Variants in TUB observed in about 807,000 individuals in gnomAD.
The protein encoded by TUB is tubby protein homolog.
TUB carries 33 observed loss-of-function variants against 59.7 expected under a neutral mutation model. That is an observed-to-expected ratio of 0.55 (90% confidence interval 0.42 to 0.74). The LOEUF is 0.74. Among genes scored for constraint, TUB ranks in the 30% least tolerant of loss-of-function variants. TUB has a pLI of 0.00. For missense variants in TUB, 659 were observed against 672.0 expected, an observed-to-expected ratio of 0.98 and a Z score of 0.21; for synonymous variants, 293 against 256.4, an observed-to-expected ratio of 1.14 and a Z score of -1.36.
intron 6 of TUB, 51 bp from the exon 7 acceptor site, chr11:8,097,177 T>TG (rs1229607879): frequency 6.3e-7 from 1 of 1,598,502 alleles, no homozygotes. Context: ...ACCACCAATT[T>TG]GGGCTGCTTA....
Position 8,105,363 on chromosome 11 carries a change from CTGTAGGTT to C in TUB, c.*3750_*3757del, listed in dbSNP as rs1944510898. ...ACTCTATACTACCCTGGGCTCTGGT[CTGTAGGTT>C]TGTAGTAGCCACCGGTAATAAGCCA... is the stretch of plus-strand genomic sequence containing the variant. On this transcript the variant is annotated 3_prime_UTR_variant, in exon 12 of 12. Transcript: ENST00000299506. The C allele has an allele frequency of 6.6e-6, 1 of 152,150 alleles. No individual in the cohort carries two copies. The highest frequency in any genetic ancestry group is 1.5e-5 in the Non-Finnish European group (1 of 68,034). The allele number at this position is 152,150 out of a possible 1,614,324, so 9.4% of individuals were successfully genotyped here. A position where few individuals can be genotyped will look rare whatever the true frequency, so the allele number is the denominator to read the frequency against.
chr11:8,074,974 G>A (rs959834195), intron 2 of TUB, among the ~76,000 whole-genome samples: 1 of 151,782 alleles, frequency 6.6e-6, no homozygotes, highest in Non-Finnish European at 1.5e-5. Context: ...TGAACTCCTG[G>A]CCTCATGTGA....
rs76971150 is a variant in TUB at position 8,094,915 on chromosome 11, G to C, written c.398-583G>C. ...TAGGCGGGCAGGGTGGCTGCCACCT[G>C]TGTGGGTCAGGCCTTGCTTCTGTTG... On this transcript the variant is annotated intron_variant, in intron 4 of 11. Transcript: ENST00000299506. Among the ~76,000 whole-genome samples, 1,054 of 152,354 alleles carry C rather than the reference G, an allele frequency of 6.9e-3. 21 individuals are homozygous for C. The highest frequency in any genetic ancestry group is 0.024 in the African/African-American group (985 of 41,590).
At chr11:8,025,180 T>G (rs560675618) in intron 1 of TUB, among the ~76,000 whole-genome samples, 1 of 152,168 alleles carries the variant, frequency 6.6e-6, no homozygotes, top group Non-Finnish European at 1.5e-5. Context: ...CTAAGAGGCT[T>G]ATATAATATG....
Position 8,057,126 on chromosome 11 carries a change from G to A in TUB, c.203+17434G>A, listed in dbSNP as rs1943033061. On this transcript the variant is annotated intron_variant, in intron 2 of 12. Transcript: ENST00000305253. Reference sequence around the variant, plus strand: ...TGGCCCTCTGGGTAATGGCAGTAATGGAGGGTCCCATTCAGTTCTTTAGGG... The same window carrying A: ...TGGCCCTCTGGGTAATGGCAGTAATAGAGGGTCCCATTCAGTTCTTTAGGG... Among the ~76,000 whole-genome samples, 3 of 152,252 alleles carry A rather than the reference G, an allele frequency of 2.0e-5. 1 individual carries two copies. The South Asian group carries it at 6.2e-4, about 32-fold the overall frequency.
chr11:8,038,221 G>A (rs760857188), upstream of TUB, among the ~76,000 whole-genome samples: 1 of 152,202 alleles, frequency 6.6e-6, no homozygotes, highest in Non-Finnish European at 1.5e-5. Context: ...GAGCAGGTAG[G>A]TAGAGTTTAG....
At chr11:8,101,457 T>A in intron 11 of TUB, 29 bp from the exon 12 acceptor site, 2 of 1,565,760 alleles carry the variant, frequency 1.3e-6, no homozygotes, top group Non-Finnish European at 1.8e-6. Context: ...CCTGTCCTTT[T>A]CTCTGTCTGT....
chr11:8,094,810 C>T (rs1943911613), intron 4 of TUB, among the ~76,000 whole-genome samples: 1 of 152,236 alleles, frequency 6.6e-6, no homozygotes, highest in Middle Eastern at 3.2e-3. Context: ...GGTTTCCAGG[C>T]CACTGCGTCA....
At chr11:8,100,794 T>C (rs747052245) in intron 10 of TUB, 32 bp from the exon 11 acceptor site, 1 of 1,611,172 alleles carries the variant, frequency 6.2e-7, no homozygotes. Context: ...GCCAAAGGCC[T>C]GGGCCTGGCT....
intron 2 of TUB, among the ~76,000 whole-genome samples, chr11:8,069,537 A>C (rs1211081477): frequency 6.6e-6 from 1 of 151,922 alleles, no homozygotes; most frequent in Non-Finnish European, 1.5e-5. Context: ...GTTGTTGCAG[A>C]TGTGTATTTT....
At chr11:8,026,733 C>T (rs1240739467) in intron 1 of TUB, among the ~76,000 whole-genome samples, 1 of 152,218 alleles carries the variant, frequency 6.6e-6, no homozygotes, top group East Asian at 1.9e-4. Context: ...ATTCTAGGGC[C>T]TTTTCAATTT....
rs779206090 is a variant in TUB at position 8,095,632 on chromosome 11, G to C, written c.532G>C (p.Gly178Arg). Residue 178 changes from glycine (G) to arginine (R), a missense_variant, in exon 5 of 12, where the codon GGG (glycine) becomes CGG (arginine). By Grantham distance (125) the Gly-to-Arg change is moderately radical. Transcript: ENST00000299506. ...AGCTGGTGGGGGCGAACGGCCCAGC[G>C]GGCAGGATCTCCGTGCCACGATGCA... ...TAAGGGERPS[G>R]QDLRATMQRK... 6.2e-6 allele frequency: 10 copies of C among 1,608,532 alleles called. No homozygotes were observed. Among genetic ancestry groups the C allele is most frequent in the Middle Eastern group, 1.6e-4 (1 of 6,072 alleles).
intron 2 of TUB, 41 bp from the exon 3 acceptor site, chr11:8,090,028 T>C (rs981921576): frequency 2.7e-5 from 42 of 1,541,026 alleles, no homozygotes; most frequent in Non-Finnish European, 3.6e-5. Context: ...CCGCCCTTCC[T>C]GGTGGAGGCA....
intron 2 of TUB, among the ~76,000 whole-genome samples, chr11:8,071,008 G>A (rs538748643): frequency 7.2e-5 from 11 of 152,204 alleles, no homozygotes; most frequent in East Asian, 5.8e-4. Context: ...AACTCTTACC[G>A]CCTGTTTTAA....
intron 2 of TUB, among the ~76,000 whole-genome samples, chr11:8,072,523 C>G (rs1943378173): frequency 6.6e-6 from 1 of 152,202 alleles, no homozygotes; most frequent in African/African-American, 2.4e-5. Flanking sequence ...TGAGACAATA[C>G]AAGCGAGCAC....
At chr11:8,039,496 C>A in intron 1 of TUB, 1 of 626,548 alleles carries the variant, frequency 1.6e-6, no homozygotes, top group Non-Finnish European at 2.6e-6. Flanking sequence ...TCCCTCTACC[C>A]TGATCCATCA....
chr11:8,030,785 C>T (rs1222963708), intron 1 of TUB, among the ~76,000 whole-genome samples: 1 of 152,108 alleles, frequency 6.6e-6, no homozygotes, highest in East Asian at 1.9e-4. Flanking sequence ...GGGCTGGCAC[C>T]AGGATAACAG....
At chr11:8,022,931 A>T (rs765559443) in intron 1 of TUB, among the ~76,000 whole-genome samples, 5 of 151,846 alleles carry the variant, frequency 3.3e-5, no homozygotes, top group Non-Finnish European at 5.9e-5. Flanking sequence ...ACACACAAAC[A>T]AAAACAAAAC....
chr11:8,080,937 G>C (rs1943542490), upstream of TUB, among the ~76,000 whole-genome samples: 3 of 152,228 alleles, frequency 2.0e-5, no homozygotes, highest in African/African-American at 7.2e-5. Flanking sequence ...GCGCAGATAG[G>C]TAGGGCAGGT....
Sources: gnomAD v4.1 joint callset for allele counts (sites outside exome capture counted in the v4.1 genomes callset) on GRCh38, gnomAD v4.1.1 for gene constraint, MANE v1.5 for transcripts, NCBI Gene and HGNC (gene_info 2026-07-23, HGNC 2026-07-21) for gene names.